The following TSR1 variants were observed in gnomAD, a reference collection of about 807,000 sequenced individuals.
TSR1 encodes the protein pre-rRNA-processing protein TSR1 homolog.
Under a neutral mutation model 90.9 loss-of-function variants are expected in TSR1, and 81 were observed. The ratio of observed to expected loss-of-function variants is 0.89; its 90% CI spans 0.74 to 1.07. TSR1 has a LOEUF of 1.07. Ranked by LOEUF, TSR1 falls within the 50% of genes least tolerant of loss-of-function variation. The pLI, the probability that TSR1 is intolerant of heterozygous loss-of-function variation, is 0.00. For missense variants in TSR1, 989 were observed against 987.3 expected (o/e 1.00, Z -0.02); for synonymous variants, 362 against 348.8 (o/e 1.04, Z -0.42).
chr17:2,329,333 C>T lies in TSR1; in HGVS notation c.1903+10G>A, dbSNP rs754898428. ...AAGATGGACAAGAACCCAGCTTCCC[C>T]ATTGCTAACCTGCAGTGTGCTGAGA... is the stretch of plus-strand genomic sequence containing the variant. On this transcript the variant is annotated intron_variant, in intron 11 of 14. Transcript: ENST00000301364. The T allele has an allele frequency of 6.2e-7, 1 of 1,613,634 alleles. No individual in the cohort carries two copies. The highest frequency in any genetic ancestry group is 1.1e-5 in the South Asian group (1 of 91,074).
chr17:2,326,358 G>A (rs1007000333), intron 11 of TSR1, among the ~76,000 whole-genome samples: 1 of 151,990 alleles, frequency 6.6e-6, no homozygotes, highest in Non-Finnish European at 1.5e-5. Context: ...CCAAGTTAGT[G>A]GGCAACATAT....
Position 2,324,377 on chromosome 17 carries a change from A to G in TSR1, c.2237-3T>C. ...GCATTTCATGTGGCCATGGGTACCT[A>G]GAAAGACATCAGAACAAGTCGGTCA... On this transcript the variant is annotated splice_polypyrimidine_tract_variant and splice_region_variant and intron_variant, in intron 14 of 14. Coordinates refer to ENST00000301364, the MANE Select transcript of TSR1 (RefSeq NM_018128.5). 1 of 1,577,906 alleles carries G rather than the reference A, an allele frequency of 6.3e-7. No individual in the cohort carries two copies. Among genetic ancestry groups the G allele is most frequent in the Non-Finnish European group, 8.6e-7 (1 of 1,163,826 alleles).
chr17:2,324,504 C>T lies in TSR1; in HGVS notation c.2236G>A (p.Gly746Ser), dbSNP rs751873023. 7.4e-6 allele frequency: 12 copies of T among 1,614,220 alleles called. No homozygotes were observed. Among genetic ancestry groups the T allele is most frequent in the Middle Eastern group, 1.6e-4 (1 of 6,062 alleles). The part of the protein sequence containing the change: ...GRRGHIKEPL[G>S]THGHMKCSFD... Reference sequence around the variant, plus strand: ...GGTCTCAAATCCCGTGTTTCCTTACCTAAAGGTTCCTTGATATGTCCTCTC... The same window carrying T: ...GGTCTCAAATCCCGTGTTTCCTTACTTAAAGGTTCCTTGATATGTCCTCTC... The change falls in exon 14 of 15, where the codon GGT becomes AGT. Residue 746 changes from glycine (G) to serine (S), a missense_variant and splice_region_variant. Gly to Ser is a moderately conservative substitution (Grantham distance 56). Coordinates refer to ENST00000301364, the MANE Select transcript of TSR1 (RefSeq NM_018128.5).
rs527441939 is a variant in TSR1 at position 2,334,409 on chromosome 17, G to A, written c.981+63C>T. On this transcript the variant is annotated intron_variant, in intron 5 of 14. Transcript: ENST00000301364. ...CCTAAGTGTACAGACTATCTTCTCT[G>A]AATTTAAGTTTCCTTCCTGTGCCAA... is the stretch of plus-strand genomic sequence containing the variant. 21 of 1,540,156 alleles carry A rather than the reference G, an allele frequency of 1.4e-5. No individual in the cohort carries two copies. The East Asian group carries it at 2.5e-4, about 18-fold the overall frequency.
At position 2,333,626 on chromosome 17, in the gene TSR1, C is replaced by T; in HGVS notation, c.1072G>A (p.Glu358Lys). 2 of 1,614,146 alleles carry T rather than the reference C, an allele frequency of 1.2e-6. No individual in the cohort carries two copies. Among genetic ancestry groups the T allele is most frequent in the Non-Finnish European group, 1.7e-6 (2 of 1,180,036 alleles). Reference protein sequence around the residue: ...DPGRQESLQAEVIPDPMEGEQ... With the variant: ...DPGRQESLQAKVIPDPMEGEQ... The stretch of plus-strand genomic sequence containing the variant: ...CCCTCCATTGGATCTGGGATAACCT[C>T]TGCTTGCAAGGATTCCTGTCTACCA... Residue 358 changes from glutamate to lysine, a missense_variant, in exon 6 of 15, where the codon GAG becomes AAG. By Grantham distance (56) the Glu-to-Lys change is moderately conservative. Coordinates refer to ENST00000301364, the MANE Select transcript of TSR1 (RefSeq NM_018128.5).
At chr17:2,335,964 AT>A in intron 2 of TSR1, 72 bp downstream of exon 2, 1 of 1,507,706 alleles carries the variant, frequency 6.6e-7, no homozygotes. Context: ...TCCCGGTCTC[AT>A]TTTCCACTTC....
chr17:2,329,272 G>C, intron 11 of TSR1, 71 bp downstream of exon 11: 1 of 1,602,172 alleles, frequency 6.2e-7, no homozygotes, highest in Non-Finnish European at 8.5e-7. Flanking sequence ...CATATATTTT[G>C]GCACCCCTCC....
rs749378104 is a variant in TSR1, at chr17:2,334,641, G to A, written c.812C>T (p.Thr271Ile). Residue 271 changes from threonine (T) to isoleucine (I), a missense_variant, in exon 5 of 15, where the codon ACC becomes ATC. Physicochemically the swap from Thr to Ile is moderately conservative, Grantham distance 89 (BLOSUM62 -1). Coordinates refer to ENST00000301364, the MANE Select transcript of TSR1 (RefSeq NM_018128.5). ...TCGAACATAGCCTGAAATTTTCAAG[G>A]TGCCCACCAAGTTATTCTCTTCACT... ...VPSEENNLVGTLKISGYVRGQ... is the reference protein window; with the variant it reads ...VPSEENNLVGILKISGYVRGQ... 1.4e-5 allele frequency: 22 copies of A among 1,613,694 alleles called. 1 individual carries two copies. The South Asian group carries it at 1.4e-4, about 10-fold the overall frequency.
intron 11 of TSR1, 82 bp from the exon 12 acceptor site, chr17:2,325,502 T>G: frequency 9.1e-7 from 1 of 1,094,440 alleles, no homozygotes; most frequent in Non-Finnish European, 1.3e-6. Context: ...GCTGTATTAG[T>G]GCAACTCTTA....
At position 2,330,961 on chromosome 17, in the gene TSR1, C is replaced by G. The variant is rs1362150053; in HGVS notation, c.1645G>C (p.Val549Leu). The change falls in exon 9 of 15, where the codon GTT becomes CTT. Residue 549 changes from valine to leucine, a missense_variant. Transcript: ENST00000301364. ...SIFKEVEEKEVEGAEVGWYVT... is the reference protein window; with the variant it reads ...SIFKEVEEKELEGAEVGWYVT... ...AGGATAGATACCTCAGCTCCTTCAA[C>G]CTCTTTTTCTTCAACCTCTTTAAAG... is the stretch of plus-strand genomic sequence containing the variant. The G allele has an allele frequency of 3.1e-6, 5 of 1,591,350 alleles. No individual in the cohort carries two copies. The highest frequency in any genetic ancestry group is 4.3e-6 in the Non-Finnish European group (5 of 1,173,540).
intron 8 of TSR1, 142 bp downstream of exon 8, chr17:2,332,027 G>A: frequency 1.2e-6 from 1 of 855,200 alleles, no homozygotes; most frequent in Non-Finnish European, 1.8e-6. Context: ...TGTATGTCCT[G>A]CCTTCCCATA....
chr17:2,329,953 CTT>C (rs1323631263), intron 10 of TSR1, among the ~76,000 whole-genome samples: 2 of 151,760 alleles, frequency 1.3e-5, no homozygotes, highest in Non-Finnish European at 2.9e-5. Context: ...GAGTTTCGCT[CTT>C]GTTGCCCAGG....
At chr17:2,335,125 C>A in intron 4 of TSR1, 135 bp downstream of exon 4, 1 of 1,125,408 alleles carries the variant, frequency 8.9e-7, no homozygotes, top group Non-Finnish European at 1.2e-6. Flanking sequence ...AATCTGTAAA[C>A]AATGGATCAA....
intron 7 of TSR1, 80 bp downstream of exon 7, chr17:2,332,881 A>G: frequency 1.5e-6 from 2 of 1,342,244 alleles, no homozygotes; most frequent in Non-Finnish European, 2.0e-6. Context: ...CTAACCACAC[A>G]CACCCATCAA....
chr17:2,329,312 T>C lies in TSR1; in HGVS notation c.1903+31A>G, dbSNP rs149014405. Reference sequence around the variant, plus strand: ...CAAGTCACTTTCCCAAAAGACAAGATGGACAAGAACCCAGCTTCCCCATTG... The same window carrying C: ...CAAGTCACTTTCCCAAAAGACAAGACGGACAAGAACCCAGCTTCCCCATTG... On this transcript the variant is annotated intron_variant, in intron 11 of 14. Transcript: ENST00000301364. 536 of 1,612,684 alleles carry C rather than the reference T, an allele frequency of 3.3e-4. 2 individuals carry two copies. In the African/African-American group the frequency reaches 6.3e-3, roughly 19 times the overall value.
In TSR1 at chr17:2,332,377, A is replaced by G. The variant is rs780213156; in HGVS notation, c.1306-18T>C. 4 of 1,567,418 alleles carry G rather than the reference A, an allele frequency of 2.6e-6. No individual in the cohort carries two copies. The highest frequency in any genetic ancestry group is 2.3e-5 in the East Asian group (1 of 44,128). On this transcript the variant is annotated intron_variant, in intron 7 of 14. Transcript: ENST00000301364. ...CTCTCATCCTGTAGAATAGGATTACAGTTTTTTCAGAAGAAATCCACACCT... is the reference window on the plus strand; with the variant it reads ...CTCTCATCCTGTAGAATAGGATTACGGTTTTTTCAGAAGAAATCCACACCT...
Position 2,322,681 on chromosome 17 carries a change from T to C in TSR1, c.*1515A>G, listed in dbSNP as rs1302288614. ...ATGCCTGGCTAGTTTTTTTTTGTTT[T>C]TTTTTTTTGTATTTTTAGTAGAGAC... On this transcript the variant is annotated 3_prime_UTR_variant, in exon 15 of 15. Transcript: ENST00000301364. 3 of 154,196 alleles carry C rather than the reference T, an allele frequency of 1.9e-5. No individual in the cohort carries two copies. Among genetic ancestry groups the C allele is most frequent in the Admixed American group, 6.4e-5 (1 of 15,570 alleles). 9.6% of individuals were successfully genotyped at this position (154,196 alleles called of 1,614,324 possible). A position where few individuals can be genotyped will look rare whatever the true frequency, so the allele number is the denominator to read the frequency against.
Position 2,332,197 on chromosome 17 carries a change from T to C in TSR1, c.1468A>G (p.Thr490Ala), listed in dbSNP as rs1457978855. The change falls in exon 8 of 15, where the codon ACG becomes GCG. Residue 490 changes from threonine (T) to alanine (A), a missense_variant. Transcript: ENST00000301364. ...ATTCGAGCAGCCACATCACGGGGCG[T>C]GTCCACTTCATCTGGAAACATCTCT... ...LEEMFPDEVD[T>A]PRDVAARIRF... 15 of 1,613,614 alleles carry C rather than the reference T, an allele frequency of 9.3e-6. No individual in the cohort carries two copies. Among genetic ancestry groups the C allele is most frequent in the Non-Finnish European group, 1.3e-5 (15 of 1,179,962 alleles).
At chr17:2,332,386 AG>A (rs2064012676) in intron 7 of TSR1, 27 bp from the exon 8 acceptor site, 1 of 1,561,310 alleles carries the variant, frequency 6.4e-7, no homozygotes, top group South Asian at 1.2e-5. Flanking sequence ...CAGTTTTTTC[AG>A]AAGAAATCCA....
Sources: allele counts gnomAD v4.1 joint callset (sites outside exome capture counted in the v4.1 genomes callset), GRCh38; gene constraint gnomAD v4.1.1; transcripts MANE v1.5; gene names NCBI Gene and HGNC (gene_info 2026-07-23, HGNC 2026-07-21).